CSMD3: variants seen among roughly 807,000 people sequenced by gnomAD.
The protein encoded by CSMD3 is CUB and Sushi multiple domains 3.
Under a neutral mutation model 435.2 loss-of-function variants are expected in CSMD3, and 177 were observed. That is an observed-to-expected ratio of 0.41 (90% confidence interval 0.36 to 0.46). The LOEUF is 0.46. CSMD3 is among the 20% of genes least tolerant of loss of function. The pLI is 0.34. For missense variants in CSMD3, 4,265 were observed against 4,504.6 expected (o/e 0.95, Z 1.52); for synonymous variants, 1,656 against 1,520.5 (o/e 1.09, Z -2.07).
chr8:112,332,729 C>A (rs1369734877), intron 45 of CSMD3, among the ~76,000 whole-genome samples: 1 of 151,876 alleles, frequency 6.6e-6, no homozygotes, highest in African/African-American at 2.4e-5. Flanking sequence ...TTTTTTTGCA[C>A]CTTATTATAA....
chr8:112,600,831 C>T (rs1326628864), intron 22 of CSMD3, among the ~76,000 whole-genome samples: 3 of 152,104 alleles, frequency 2.0e-5, no homozygotes, highest in Non-Finnish European at 2.9e-5. Context: ...GCGCCCGCCA[C>T]TACGCCCAGC....
At chr8:112,369,361 A>C (rs1828099452) in intron 38 of CSMD3, among the ~76,000 whole-genome samples, 1 of 152,226 alleles carries the variant, frequency 6.6e-6, no homozygotes, top group African/African-American at 2.4e-5. Context: ...TAAAAAATAT[A>C]ATTTTTGAAA....
chr8:112,786,552 C>T (rs1331327266), intron 13 of CSMD3, among the ~76,000 whole-genome samples: 1 of 150,984 alleles, frequency 6.6e-6, no homozygotes, highest in African/African-American at 2.4e-5. Context: ...ATATATACAA[C>T]TCAATAGGAA....
chr8:112,474,958 T>C lies in CSMD3; in HGVS notation c.5279-2251A>G, dbSNP rs545868277. 2.6e-5 allele frequency among the ~76,000 whole-genome samples: 4 copies of C among 152,284 alleles called. No homozygotes were observed. The East Asian group carries it at 7.7e-4, about 29-fold the overall frequency. On this transcript the variant is annotated intron_variant, in intron 31 of 70. Transcript: ENST00000297405. ...AAGATGCACCCCTCTCATCACTCAT[T>C]ATTGTCTGAGATTAGAGCAGTCAGG...
intron 11 of CSMD3, among the ~76,000 whole-genome samples, chr8:112,851,602 A>G (rs1380315221): frequency 1.3e-5 from 2 of 152,044 alleles, no homozygotes; most frequent in Non-Finnish European, 2.9e-5. Flanking sequence ...CATCTCTACT[A>G]AAAATGCAAA....
chr8:112,582,472 A>G (rs1174743852), intron 23 of CSMD3, among the ~76,000 whole-genome samples: 1 of 152,016 alleles, frequency 6.6e-6, no homozygotes, highest in Non-Finnish European at 1.5e-5. Context: ...CAGGGAGGCC[A>G]TTATGCCTGG....
intron 63 of CSMD3, among the ~76,000 whole-genome samples, chr8:112,251,932 A>G (rs2130224906): frequency 6.6e-6 from 1 of 152,038 alleles, no homozygotes; most frequent in South Asian, 2.1e-4. Flanking sequence ...ATTTTAATAC[A>G]AAGACAAATT....
At chr8:112,763,412 C>T (rs2077892852) in intron 13 of CSMD3, among the ~76,000 whole-genome samples, 1 of 150,724 alleles carries the variant, frequency 6.6e-6, no homozygotes, top group Non-Finnish European at 1.5e-5. Context: ...ATAGTAAATG[C>T]TTCTACTTTT....
At chr8:112,823,548 T>G (rs2079587315) in intron 12 of CSMD3, among the ~76,000 whole-genome samples, 1 of 152,144 alleles carries the variant, frequency 6.6e-6, no homozygotes, top group Non-Finnish European at 1.5e-5. Flanking sequence ...TTTACAGAAC[T>G]TCTTCATTTC....
At chr8:112,954,482 C>T (rs965375750) in intron 8 of CSMD3, among the ~76,000 whole-genome samples, 1 of 151,392 alleles carries the variant, frequency 6.6e-6, no homozygotes, top group Non-Finnish European at 1.5e-5. Flanking sequence ...TAATCTGAGG[C>T]TGGGAGTTTG....
At chr8:112,234,342 G>T in intron 68 of CSMD3, 23 bp downstream of exon 68, 1 of 1,409,918 alleles carries the variant, frequency 7.1e-7, no homozygotes, top group Non-Finnish European at 1.0e-6. Flanking sequence ...ATCAGCAGCA[G>T]ATGTTAAAAT....
chr8:113,028,028 G>T (rs2086941424), intron 5 of CSMD3, among the ~76,000 whole-genome samples: 1 of 151,944 alleles, frequency 6.6e-6, no homozygotes, highest in Admixed American at 6.6e-5. Context: ...GATATTGTGG[G>T]GTTTGTTGTT....
intron 4 of CSMD3, among the ~76,000 whole-genome samples, chr8:113,105,111 T>A (rs1588081867): frequency 6.7e-6 from 1 of 149,408 alleles, no homozygotes; most frequent in Admixed American, 6.6e-5. Flanking sequence ...GAGAAAAAAA[T>A]ATTTAAATTA....
rs543431271 is a variant in CSMD3, at chr8:112,641,493, G to A, written c.3311-2582C>T. Among the ~76,000 whole-genome samples, 4 of 152,190 alleles carry A rather than the reference G, an allele frequency of 2.6e-5. No homozygotes were observed. In the East Asian group the frequency reaches 7.7e-4, roughly 29 times the overall value. On this transcript the variant is annotated intron_variant, in intron 20 of 70. Coordinates refer to ENST00000297405, the MANE Select transcript of CSMD3 (RefSeq NM_198123.2). ...TCAATATAGGAGCATAGAAATAGAG[G>A]TAACTAATTTGTCAAAGGGGTCCGT...
intron 38 of CSMD3, among the ~76,000 whole-genome samples, chr8:112,370,082 A>AAGAAGAGGAAGAAGT (rs1285510394): frequency 9.7e-6 from 1 of 103,454 alleles, no homozygotes; most frequent in South Asian, 3.2e-4. Context: ...GAAGAAGAAG[A>AAGAAGAGGAAGAAGT]AGTAGTAGTA....
chr8:112,868,308 T>C (rs2081041588), intron 10 of CSMD3, among the ~76,000 whole-genome samples: 1 of 152,146 alleles, frequency 6.6e-6, no homozygotes, highest in Admixed American at 6.6e-5. Flanking sequence ...GAGTACACTT[T>C]CTTTTTAAGC....
At chr8:113,371,920 G>A (rs1365266436) in intron 1 of CSMD3, among the ~76,000 whole-genome samples, 1 of 152,024 alleles carries the variant, frequency 6.6e-6, no homozygotes, top group East Asian at 1.9e-4. Flanking sequence ...TGCTCATATG[G>A]GAGTATTTCA....
chr8:112,352,968 A>T (rs1200691289), intron 38 of CSMD3, among the ~76,000 whole-genome samples: 2 of 152,126 alleles, frequency 1.3e-5, no homozygotes, highest in Non-Finnish European at 2.9e-5. Flanking sequence ...TCCTTGCTTA[A>T]CTCTTTCTTC....
At chr8:113,207,288 C>A (rs1387282141) in intron 3 of CSMD3, among the ~76,000 whole-genome samples, 1 of 151,712 alleles carries the variant, frequency 6.6e-6, no homozygotes, top group Non-Finnish European at 1.5e-5. Context: ...CCAAAGCTGT[C>A]TATTACAATT....
Sources: gnomAD v4.1 joint callset for allele counts (sites outside exome capture counted in the v4.1 genomes callset) on GRCh38, gnomAD v4.1.1 for gene constraint, MANE v1.5 for transcripts, NCBI Gene and HGNC (gene_info 2026-07-23, HGNC 2026-07-21) for gene names.